PCNX3: variants seen among roughly 807,000 people sequenced by gnomAD.
PCNX3 encodes pecanex-like protein 3.
A neutral mutation model predicts 207.2 loss-of-function variants in PCNX3; 58 were observed. The ratio of observed to expected loss-of-function variants is 0.28; its 90% CI spans 0.23 to 0.35. The LOEUF is 0.35. PCNX3 is among the 10% of genes least tolerant of loss of function. The pLI is 1.00. For synonymous variants in PCNX3, 1,337 were observed against 1,183.5 expected, an observed-to-expected ratio of 1.13 and a Z score of -2.66; for missense variants, 2,410 against 2,774.4, an observed-to-expected ratio of 0.87 and a Z score of 2.95.
At chr11:65,621,514 G>A (rs1855100884) in intron 10 of PCNX3, among the ~76,000 whole-genome samples, 2 of 152,326 alleles carry the variant, frequency 1.3e-5, no homozygotes, top group East Asian at 1.9e-4. Context: ...TCATAAAAGG[G>A]TACCCGGCAC....
intron 26 of PCNX3, 42 bp from the exon 27 acceptor site, chr11:65,630,309 G>T (rs776823282): frequency 6.3e-7 from 1 of 1,598,774 alleles, no homozygotes; most frequent in South Asian, 1.1e-5. Context: ...GGCAGGTAGG[G>T]ATTGTTCTAG....
chr11:65,636,037 T>C, intron 32 of PCNX3, 137 bp from the exon 33 acceptor site: 1 of 1,358,574 alleles, frequency 7.4e-7, no homozygotes, highest in Non-Finnish European at 1.0e-6. Flanking sequence ...GCAAAGTAGG[T>C]GGCAGCTTCT....
chr11:65,636,356 G>A (rs769313898), intron 33 of PCNX3, 35 bp from the exon 34 acceptor site: 2 of 1,596,318 alleles, frequency 1.3e-6, no homozygotes, highest in Non-Finnish European at 1.7e-6. Context: ...GTGCAGCCCA[G>A]CTGAGGCCTC....
intron 29 of PCNX3, 36 bp from the exon 30 acceptor site, chr11:65,634,937 C>T (rs1855766411): frequency 6.3e-7 from 1 of 1,592,124 alleles, no homozygotes; most frequent in Non-Finnish European, 8.6e-7. Flanking sequence ...GTCCTCGACA[C>T]CCCTCTCTCC....
In PCNX3 at chr11:65,629,754, C is replaced by T. The variant is rs1174211598; in HGVS notation, c.4216+19C>T. On this transcript the variant is annotated intron_variant, in intron 26 of 34. Transcript: ENST00000355703. ...TTCCGGGGTGAGCCGCAGGACCAGGCTCGGGTGGGCAGGCACAGCTCGGGC... is the reference window on the plus strand; with the variant it reads ...TTCCGGGGTGAGCCGCAGGACCAGGTTCGGGTGGGCAGGCACAGCTCGGGC... The T allele has an allele frequency of 3.9e-6, 6 of 1,548,554 alleles. No homozygotes were observed. Among genetic ancestry groups the T allele is most frequent in the Non-Finnish European group, 5.2e-6 (6 of 1,146,634 alleles).
In PCNX3 at chr11:65,617,270, C is replaced by T. The variant is rs1460049801; in HGVS notation, c.362C>T (p.Thr121Ile). ...NPPRDPGVEM[T>I]VFRKVSSTPP... Reference sequence around the variant, plus strand: ...GCCAGGGACCCCGGAGTGGAGATGACAGTGTTCCGGAAAGTCAGTTCCACA... The same window carrying T: ...GCCAGGGACCCCGGAGTGGAGATGATAGTGTTCCGGAAAGTCAGTTCCACA... Residue 121 changes from threonine to isoleucine, a missense_variant, in exon 3 of 35, where the codon ACA becomes ATA. Coordinates refer to ENST00000355703, the MANE Select transcript of PCNX3 (RefSeq NM_032223.4). 1.2e-6 allele frequency: 2 copies of T among 1,607,986 alleles called. No individual in the cohort carries two copies. The highest frequency in any genetic ancestry group is 2.2e-5 in the South Asian group (2 of 89,886).
In PCNX3 at chr11:65,623,527, C is replaced by A; in HGVS notation, c.2394C>A (p.Gly798=). The part of the protein sequence containing the change: ...RGVLENIFGV[G]LSSLVAFLGY... ...TGCTGGAGAACATCTTCGGCGTGGG[C>A]CTGAGCAGCCTTGTGGCCTTCCTGG... The change falls in exon 12 of 35, where the codon GGC becomes GGA. Residue 798 remains glycine (G), a synonymous_variant. Coordinates refer to ENST00000355703, the MANE Select transcript of PCNX3 (RefSeq NM_032223.4). 6.2e-7 allele frequency: 1 copy of A among 1,613,514 alleles called. No individual in the cohort carries two copies. Among genetic ancestry groups the A allele is most frequent in the Non-Finnish European group, 8.5e-7 (1 of 1,179,606 alleles).
chr11:65,616,644 C>T (rs913152894), intron 1 of PCNX3, among the ~76,000 whole-genome samples, 180 bp downstream of exon 1: 3 of 152,190 alleles, frequency 2.0e-5, no homozygotes, highest in Non-Finnish European at 4.4e-5. Context: ...GAACCCTACA[C>T]TTAATCTCAT....
chr11:65,629,782 G>C (rs1454620402), intron 26 of PCNX3, 47 bp downstream of exon 26: 1 of 1,530,040 alleles, frequency 6.5e-7, no homozygotes, highest in Non-Finnish European at 8.8e-7. Context: ...GCTCGGGCCT[G>C]ATGTGGGAGC....
chr11:65,634,973 C>T lies in PCNX3; in HGVS notation c.4806C>T (p.Ser1602=). The T allele has an allele frequency of 1.2e-6, 2 of 1,612,192 alleles. No individual in the cohort carries two copies. The highest frequency in any genetic ancestry group is 1.7e-6 in the Non-Finnish European group (2 of 1,178,648). Reference sequence around the variant, plus strand: ...CCTCCCTGTTTTTCCTCCCACTTAGCCTGGAGCCCTTCCTCTACGGCCTGC... The same window carrying T: ...CCTCCCTGTTTTTCCTCCCACTTAGTCTGGAGCCCTTCCTCTACGGCCTGC... ...LGTASHSMSA[S]LEPFLYGLHA... is the part of the protein sequence containing the mutation. The change falls in exon 30 of 35, where the codon AGC becomes AGT. Residue 1602 remains serine, a splice_region_variant and synonymous_variant. Coordinates refer to ENST00000355703, the MANE Select transcript of PCNX3 (RefSeq NM_032223.4).
Position 65,623,599 on chromosome 11 carries a change from C to T in PCNX3, c.2466C>T (p.Phe822=). Residue 822 remains phenylalanine (F), a synonymous_variant, in exon 12 of 35, where the codon TTC becomes TTT. Coordinates refer to ENST00000355703, the MANE Select transcript of PCNX3 (RefSeq NM_032223.4). ...GCTTCTTCACTGACATCTGGGTCTT[C>T]CAGTTCTGCCTGGTCATCGCCTCCT... ...LKGFFTDIWV[F]QFCLVIASCQ... is the part of the protein sequence containing the mutation. 2 of 1,613,992 alleles carry T rather than the reference C, an allele frequency of 1.2e-6. No individual in the cohort carries two copies. The highest frequency in any genetic ancestry group is 1.7e-6 in the Non-Finnish European group (2 of 1,179,868).
chr11:65,616,447 C>T lies in PCNX3; in HGVS notation c.136C>T (p.Pro46Ser). ...LYVWIFLLIF[P>S]FLLYMVLPPS... ...TGTCTGGATCTTCCTGCTCATCTTT[C>T]CCTTCTTACTGTACATGGTGAGACG... Residue 46 changes from proline (P) to serine (S), a missense_variant, in exon 1 of 35, where the codon CCC becomes TCC. By Grantham distance (74) the Pro-to-Ser change is moderately conservative. This residue lies in a region of PCNX3 where 1,104 missense variants were observed against 970.3 expected (regional missense o/e 1.14). Transcript: ENST00000355703. The T allele has an allele frequency of 6.2e-7, 1 of 1,608,460 alleles. No homozygotes were observed. Among genetic ancestry groups the T allele is most frequent in the Non-Finnish European group, 8.5e-7 (1 of 1,179,318 alleles).
rs1046269482 is a variant in PCNX3 at position 65,624,137 on chromosome 11, A to G, written c.2545-58A>G. The G allele has an allele frequency of 3.2e-6, 5 of 1,571,902 alleles. No individual in the cohort carries two copies. The South Asian group carries it at 5.7e-5, about 18-fold the overall frequency. Reference sequence around the variant, plus strand: ...AGGCCTGGGGCCCTTGAGTGTGTGCATGTGTCAGAGGTGTGGCCAGTCGGG... The same window carrying G: ...AGGCCTGGGGCCCTTGAGTGTGTGCGTGTGTCAGAGGTGTGGCCAGTCGGG... On this transcript the variant is annotated intron_variant, in intron 13 of 34. Coordinates refer to ENST00000355703, the MANE Select transcript of PCNX3 (RefSeq NM_032223.4).
rs768621709 is a variant in PCNX3, at chr11:65,636,608, C to T, written c.5811C>T (p.Ser1937=). The part of the protein sequence containing the change: ...LSSEGPSGKW[S]LGGRKGLGGS... ...CTGAGGGCCCCAGTGGAAAGTGGAG[C>T]CTGGGGGGCCGGAAGGGGCTGGGAG... Residue 1937 remains serine, a synonymous_variant, in exon 34 of 35, where the codon AGC becomes AGT. Coordinates refer to ENST00000355703, the MANE Select transcript of PCNX3 (RefSeq NM_032223.4). 2.5e-6 allele frequency: 4 copies of T among 1,585,956 alleles called. No homozygotes were observed. In the East Asian group the frequency reaches 9.1e-5, roughly 36 times the overall value.
At position 65,628,488 on chromosome 11, in the gene PCNX3, G is replaced by A; in HGVS notation, c.3703-107G>A. 28 of 1,080,764 alleles carry A rather than the reference G, an allele frequency of 2.6e-5. No individual in the cohort carries two copies. The South Asian group carries it at 3.8e-4, about 15-fold the overall frequency. 66.9% of individuals were successfully genotyped at this position (1,080,764 alleles called of 1,614,324 possible). On this transcript the variant is annotated intron_variant, in intron 22 of 34. Coordinates refer to ENST00000355703, the MANE Select transcript of PCNX3 (RefSeq NM_032223.4). ...CAGTGACCTTGAGTTTGGCCCCCGTGGGCCAAGCCAGTGCGATGACCCAAG... is the reference window on the plus strand; with the variant it reads ...CAGTGACCTTGAGTTTGGCCCCCGTAGGCCAAGCCAGTGCGATGACCCAAG...
Position 65,618,758 on chromosome 11 carries a change from C to T in PCNX3, c.1396C>T (p.Arg466Trp), listed in dbSNP as rs374001311. 101 of 1,611,478 alleles carry T rather than the reference C, an allele frequency of 6.3e-5. No individual in the cohort carries two copies. Among genetic ancestry groups the T allele is most frequent in the Admixed American group, 2.2e-4 (13 of 59,854 alleles). The change falls in exon 6 of 35, where the codon CGG becomes TGG. Residue 466 changes from arginine to tryptophan, a missense_variant. Arg to Trp is a moderately radical substitution (Grantham distance 101). Around this residue, in one of 8 missense-constraint regions of PCNX3, gnomAD observed 1,104 missense variants for 970.3 expected, o/e 1.14. Coordinates refer to ENST00000355703, the MANE Select transcript of PCNX3 (RefSeq NM_032223.4). ...ESSRGAAGGP[R>W]KRRAPHGAEE... ...CTCCCGGGGTGCAGCAGGGGGACCC[C>T]GGAAGCGGAGGGCCCCCCATGGGGC... is the stretch of plus-strand genomic sequence containing the variant.
chr11:65,633,513 G>A (rs1222139734), intron 27 of PCNX3, among the ~76,000 whole-genome samples: 1 of 152,190 alleles, frequency 6.6e-6, no homozygotes, highest in Non-Finnish European at 1.5e-5. Flanking sequence ...TCAGGCGGCA[G>A]TTCAGTCTGT....
chr11:65,619,366 G>C, intron 6 of PCNX3, 171 bp from the exon 7 acceptor site: 1 of 898,136 alleles, frequency 1.1e-6, no homozygotes, highest in Non-Finnish European at 1.3e-6. Context: ...TGTCATCCTT[G>C]TTTGCAAGTA....
In PCNX3 at chr11:65,617,693, G is replaced by T. The variant is rs369630534; in HGVS notation, c.564G>T (p.Ser188=). The T allele has an allele frequency of 1.9e-6, 3 of 1,568,148 alleles. No individual in the cohort carries two copies. The highest frequency in any genetic ancestry group is 2.6e-6 in the Non-Finnish European group (3 of 1,156,622). Residue 188 remains serine (S), a synonymous_variant, in exon 5 of 35, where the codon TCG becomes TCT. Coordinates refer to ENST00000355703, the MANE Select transcript of PCNX3 (RefSeq NM_032223.4). Reference sequence around the variant, plus strand: ...ACCGAGAGATGCTGAAGCTCAGCTCGCAGGAGAAACTGAGTGCGTGGGCCT... The same window carrying T: ...ACCGAGAGATGCTGAAGCTCAGCTCTCAGGAGAAACTGAGTGCGTGGGCCT... The part of the protein sequence containing the change: ...SADREMLKLS[S]QEKLIGDLPQ...
Sources: allele counts gnomAD v4.1 joint callset (sites outside exome capture counted in the v4.1 genomes callset), GRCh38; gene constraint gnomAD v4.1.1; regional missense constraint gnomAD v4.1.1; transcripts MANE v1.5; gene names NCBI Gene and HGNC (gene_info 2026-07-23, HGNC 2026-07-21).